TENT5D: variants seen among roughly 807,000 people sequenced by gnomAD.
TENT5D encodes terminal nucleotidyltransferase 5D, also known as cancer/testis antigen 112.
For missense variants in TENT5D, 191 were observed against 287.0 expected, an observed-to-expected ratio of 0.67 and a Z score of 2.42; for synonymous variants, 103 against 100.6, an observed-to-expected ratio of 1.02 and a Z score of -0.15.
Position 80,376,259 on chromosome X carries a change from A to G in TENT5D, c.-142+33695A>G, listed in dbSNP as rs1379010611. On this transcript the variant is annotated intron_variant, in intron 3 of 4. Coordinates refer to the TENT5D transcript ENST00000538312. ...GTTAATCTTCATTTATAAAATCAAT[A>G]AAGTACTGAAAAGTTTCTGTACTTT... Among the ~76,000 whole-genome samples the G allele has an allele frequency of 3.6e-5, 4 of 111,776 alleles. 1 individual carries two copies. In the Admixed American group the frequency reaches 3.8e-4, roughly 11 times the overall value.
At chrX:80,356,284 T>C (rs1369102092) in intron 3 of TENT5D, among the ~76,000 whole-genome samples, 1 of 111,907 alleles carries the variant, frequency 8.9e-6, no homozygotes, top group Non-Finnish European at 1.9e-5. Context: ...CTTAAGTGAA[T>C]ATATCTAAAG....
intron 1 of TENT5D, among the ~76,000 whole-genome samples, chrX:80,434,505 A>G (rs1386934266): frequency 8.9e-6 from 1 of 111,967 alleles, no homozygotes; most frequent in African/African-American, 3.2e-5. Flanking sequence ...CTCTTTTTCA[A>G]GCTTCACAAT....
chrX:80,405,683 G>A (rs1931473844), intron 3 of TENT5D, among the ~76,000 whole-genome samples: 1 of 109,569 alleles, frequency 9.1e-6, no homozygotes, highest in Non-Finnish European at 1.9e-5. Flanking sequence ...GAGGAGGGGC[G>A]CCCACCATTG....
chrX:80,389,234 C>CT (rs113436583), intron 3 of TENT5D, among the ~76,000 whole-genome samples: 2,780 of 111,874 alleles, frequency 0.025, 102 homozygotes, highest in African/African-American at 0.086. Context: ...TACAAAGATG[C>CT]TTTTTTGTGT....
intron 3 of TENT5D, among the ~76,000 whole-genome samples, chrX:80,369,673 T>C (rs2147525688): frequency 8.9e-6 from 1 of 112,177 alleles, no homozygotes; most frequent in East Asian, 2.8e-4. Flanking sequence ...ATAAATGTAG[T>C]TAATCCTCCA....
At chrX:80,407,837 C>G (rs1260728914) in intron 3 of TENT5D, among the ~76,000 whole-genome samples, 2 of 106,499 alleles carry the variant, frequency 1.9e-5, no homozygotes, top group African/African-American at 6.9e-5. Flanking sequence ...CCAAAATTGA[C>G]CACATAGTTG....
intron 3 of TENT5D, among the ~76,000 whole-genome samples, chrX:80,398,607 A>G (rs1003531794): frequency 9.1e-6 from 1 of 110,137 alleles, no homozygotes. Flanking sequence ...GCAGTAGCCT[A>G]GTTTCATCCT....
chrX:80,346,894 G>A (rs1165159147), intron 3 of TENT5D, among the ~76,000 whole-genome samples: 1 of 110,473 alleles, frequency 9.1e-6, no homozygotes, highest in East Asian at 2.9e-4. Context: ...TGTTCTCATT[G>A]TTTGGCTCCC....
intron 3 of TENT5D, among the ~76,000 whole-genome samples, chrX:80,354,488 G>A (rs1930245778): frequency 8.9e-6 from 1 of 112,082 alleles, no homozygotes; most frequent in Admixed American, 9.5e-5. Context: ...TGTTATTAAT[G>A]TTTCCAATGC....
At chrX:80,354,137 A>T (rs1439099636) in intron 3 of TENT5D, among the ~76,000 whole-genome samples, 2 of 110,896 alleles carry the variant, frequency 1.8e-5, no homozygotes, top group Non-Finnish European at 3.8e-5. Flanking sequence ...TGCCTTCAAG[A>T]ATTTTTCTTT....
At chrX:80,342,533 CATCT>C (rs1254840737) in exon 3 of TENT5D, 1 of 112,206 alleles carries the variant, frequency 8.9e-6, no homozygotes, top group Non-Finnish European at 1.9e-5. Context: ...TAACACTTCT[CATCT>C]ATCTAACTGG....
chrX:80,377,423 C>A (rs1328323692), intron 3 of TENT5D, among the ~76,000 whole-genome samples: 1 of 110,888 alleles, frequency 9.0e-6, no homozygotes, highest in Non-Finnish European at 1.9e-5. Context: ...GTGTGATGTT[C>A]CCCGCCCTGT....
At chrX:80,384,542 CCTATT>C (rs1332087406) in intron 3 of TENT5D, among the ~76,000 whole-genome samples, 3 of 66,624 alleles carry the variant, frequency 4.5e-5, no homozygotes, top group Non-Finnish European at 8.5e-5. Flanking sequence ...TCTCACCACT[CCTATT>C]CAACATAGTG....
At chrX:80,395,882 C>T (rs966177321) in intron 3 of TENT5D, among the ~76,000 whole-genome samples, 3 of 104,922 alleles carry the variant, frequency 2.9e-5, no homozygotes, top group African/African-American at 1.0e-4. Context: ...CTAGTATCCT[C>T]TGTTTTACTT....
chrX:80,339,380 T>C (rs1415355910), intron 2 of TENT5D, among the ~76,000 whole-genome samples: 1 of 111,218 alleles, frequency 9.0e-6, no homozygotes, highest in East Asian at 2.8e-4. Flanking sequence ...AAACTGAGGG[T>C]CTTTCCTACT....
chrX:80,348,155 T>C (rs1930105131), intron 3 of TENT5D, among the ~76,000 whole-genome samples: 1 of 111,499 alleles, frequency 9.0e-6, no homozygotes, highest in African/African-American at 3.3e-5. Context: ...TCTTGGCTCT[T>C]TTTTGGTTCC....
intron 3 of TENT5D, among the ~76,000 whole-genome samples, chrX:80,357,447 C>T (rs1294495397): frequency 3.4e-4 from 37 of 108,710 alleles, no homozygotes; most frequent in African/African-American, 1.1e-3. Context: ...TTTTAATGAT[C>T]GCCATTCTAA....
chrX:80,381,432 G>T (rs1221915207), intron 3 of TENT5D, among the ~76,000 whole-genome samples: 1 of 111,001 alleles, frequency 9.0e-6, no homozygotes, highest in Non-Finnish European at 1.9e-5. Flanking sequence ...TGACAATTGT[G>T]TCTTGGGGTT....
At chrX:80,444,561 A>G (rs953764258) in exon 3 of TENT5D, 14 of 122,661 alleles carry the variant, frequency 1.1e-4, no homozygotes, top group African/African-American at 4.5e-4. Flanking sequence ...CAAACAGGAA[A>G]AAAACAGGCA....
Sources: allele counts gnomAD v4.1 joint callset (sites outside exome capture counted in the v4.1 genomes callset), GRCh38; gene constraint gnomAD v4.1.1; transcripts MANE v1.5; gene names NCBI Gene and HGNC (gene_info 2026-07-23, HGNC 2026-07-21).